DCC: variants seen among roughly 807,000 people sequenced by gnomAD.
DCC encodes netrin receptor DCC.
Under a neutral mutation model 172.5 loss-of-function variants are expected in DCC, and 58 were observed. The observed-to-expected ratio is 0.34, with a 90% CI of 0.27 to 0.42. The LOEUF (loss-of-function observed/expected upper bound fraction) is 0.42. DCC is among the 10% of genes least tolerant of loss of function. The pLI, the probability that DCC is intolerant of heterozygous loss-of-function variation, is 1.00. For synonymous variants in DCC, 709 were observed against 644.5 expected, an observed-to-expected ratio of 1.10 and a Z score of -1.52; for missense variants, 1,740 against 1,791.0, an observed-to-expected ratio of 0.97 and a Z score of 0.51.
intron 14 of DCC, among the ~76,000 whole-genome samples, chr18:53,331,052 GA>G (rs748363016): frequency 3.9e-5 from 6 of 152,084 alleles, no homozygotes; most frequent in Non-Finnish European, 7.4e-5. Flanking sequence ...CCTTACATAC[GA>G]ACTCTAATTT....
At chr18:52,503,637 C>A (rs1179558398) in intron 1 of DCC, among the ~76,000 whole-genome samples, 1 of 152,118 alleles carries the variant, frequency 6.6e-6, no homozygotes. Flanking sequence ...CTCTTCTTGG[C>A]CTTGTCACTG....
chr18:53,045,519 C>T (rs1599063104), intron 5 of DCC, among the ~76,000 whole-genome samples: 1 of 151,840 alleles, frequency 6.6e-6, no homozygotes, highest in Non-Finnish European at 1.5e-5. Context: ...TTAATACACA[C>T]ATGTGCACAT....
At chr18:52,986,801 G>T (rs1369301541) in intron 5 of DCC, among the ~76,000 whole-genome samples, 1 of 149,206 alleles carries the variant, frequency 6.7e-6, no homozygotes, top group South Asian at 2.1e-4. Flanking sequence ...ATACACACAC[G>T]TGTAGTATAT....
intron 1 of DCC, among the ~76,000 whole-genome samples, chr18:52,349,222 C>A (rs191537753): frequency 6.6e-6 from 1 of 152,140 alleles, no homozygotes; most frequent in South Asian, 2.1e-4. Context: ...TTTTCACCTG[C>A]TCCCATGGGA....
intron 19 of DCC, among the ~76,000 whole-genome samples, chr18:53,406,802 A>C (rs1452237764): frequency 6.6e-6 from 1 of 152,060 alleles, no homozygotes; most frequent in East Asian, 1.9e-4. Context: ...GTTATATAGA[A>C]ATTTATAAGG....
intron 1 of DCC, among the ~76,000 whole-genome samples, chr18:52,733,617 C>T (rs1406403079): frequency 2.6e-5 from 4 of 152,098 alleles, no homozygotes; most frequent in Non-Finnish European, 5.9e-5. Context: ...ACCTCAGCCT[C>T]CCAAGTAGTT....
chr18:52,975,522 C>G (rs143217900), intron 5 of DCC, among the ~76,000 whole-genome samples: 2,105 of 152,266 alleles, frequency 0.014, 53 homozygotes, highest in African/African-American at 0.049. Context: ...ACCTTCCACC[C>G]TCTGATAGGC....
intron 1 of DCC, among the ~76,000 whole-genome samples, chr18:52,577,100 C>T (rs1309967203): frequency 6.6e-6 from 1 of 152,158 alleles, no homozygotes; most frequent in African/African-American, 2.4e-5. Flanking sequence ...TGCACTTAGG[C>T]AGGATCAACT....
chr18:52,428,042 C>T (rs1227916096), intron 1 of DCC, among the ~76,000 whole-genome samples: 3 of 152,014 alleles, frequency 2.0e-5, no homozygotes, highest in African/African-American at 7.2e-5. Context: ...TGTTTATTCC[C>T]CTTGGCCTGG....
chr18:53,520,312 C>T (rs560066556), intron 27 of DCC, among the ~76,000 whole-genome samples: 17 of 152,242 alleles, frequency 1.1e-4, no homozygotes, highest in Non-Finnish European at 2.2e-4. Context: ...CCAGGCCTCA[C>T]TCACTAATCC....
Position 52,576,384 on chromosome 18 carries a change from C to T in DCC, c.92-175670C>T, listed in dbSNP as rs987906388. ...GCTGCCTGGACTTTTATTTTTTTAT[C>T]GTGACTAAGAGTATATATGTAGAAT... On this transcript the variant is annotated intron_variant, in intron 1 of 28. Coordinates refer to ENST00000442544, the MANE Select transcript of DCC (RefSeq NM_005215.4). Among the ~76,000 whole-genome samples, 7 of 152,188 alleles carry T rather than the reference C, an allele frequency of 4.6e-5. No individual in the cohort carries two copies. The East Asian group carries it at 5.8e-4, about 13-fold the overall frequency.
intron 1 of DCC, among the ~76,000 whole-genome samples, chr18:52,509,971 C>G (rs2031374239): frequency 6.6e-6 from 1 of 152,028 alleles, no homozygotes. Flanking sequence ...GGCGTGGTGG[C>G]AGACACCTAG....
chr18:52,792,183 C>G (rs996439918), intron 2 of DCC, among the ~76,000 whole-genome samples: 1 of 151,354 alleles, frequency 6.6e-6, no homozygotes, highest in Non-Finnish European at 1.5e-5. Context: ...GAGTGATGCT[C>G]ACTGTGGGGG....
chr18:52,606,921 T>C (rs2034144092), intron 1 of DCC, among the ~76,000 whole-genome samples: 1 of 152,174 alleles, frequency 6.6e-6, no homozygotes, highest in African/African-American at 2.4e-5. Context: ...ACTTCCTTCT[T>C]TTTCAATTCC....
intron 5 of DCC, among the ~76,000 whole-genome samples, chr18:52,991,755 C>T (rs908812116): frequency 1.3e-5 from 2 of 152,306 alleles, no homozygotes; most frequent in African/African-American, 4.8e-5. Flanking sequence ...ATCTACAATG[C>T]TATTCAGTCT....
chr18:52,946,789 A>G (rs1461138329), intron 5 of DCC, among the ~76,000 whole-genome samples: 1 of 152,312 alleles, frequency 6.6e-6, no homozygotes, highest in Middle Eastern at 3.4e-3. Context: ...CAGACATATG[A>G]AGAATTGTGA....
At chr18:52,842,252 ATAG>A (rs1344953218) in intron 2 of DCC, among the ~76,000 whole-genome samples, 2 of 152,124 alleles carry the variant, frequency 1.3e-5, no homozygotes, top group South Asian at 2.1e-4. Flanking sequence ...ACATATATAC[ATAG>A]TAGGAGAGCA....
chr18:53,184,179 A>G (rs1256271806), intron 9 of DCC, among the ~76,000 whole-genome samples: 1 of 152,082 alleles, frequency 6.6e-6, no homozygotes, highest in Non-Finnish European at 1.5e-5. Context: ...TACAGTCAGC[A>G]CATTTACATA....
intron 7 of DCC, among the ~76,000 whole-genome samples, chr18:53,149,848 T>C (rs1369248313): frequency 6.6e-6 from 1 of 152,212 alleles, no homozygotes; most frequent in Admixed American, 6.5e-5. Flanking sequence ...AGGAAATCCT[T>C]TTTAGCATAC....
Sources: gnomAD v4.1 joint callset for allele counts (sites outside exome capture counted in the v4.1 genomes callset) on GRCh38, gnomAD v4.1.1 for gene constraint, MANE v1.5 for transcripts, NCBI Gene and HGNC (gene_info 2026-07-23, HGNC 2026-07-21) for gene names.